MYO10: variants seen among roughly 807,000 people sequenced by gnomAD.
The protein encoded by MYO10 is myosin X, also known as unconventional myosin-X.
In MYO10, 133 loss-of-function variants were observed where a neutral mutation model predicts 257.3. The ratio of observed to expected loss-of-function variants is 0.52; its 90% CI spans 0.45 to 0.60. The LOEUF (loss-of-function observed/expected upper bound fraction) is 0.60, where lower values mean the gene tolerates loss of function less well. Among genes scored for constraint, MYO10 ranks in the 20% least tolerant of loss-of-function variants. The pLI is 0.00. For missense variants in MYO10, 2,399 were observed against 2,635.7 expected (o/e 0.91, Z 1.97); for synonymous variants, 1,104 against 1,028.6 (o/e 1.07, Z -1.40).
intron 3 of MYO10, among the ~76,000 whole-genome samples, chr5:16,802,757 A>G (rs564169640): frequency 5.9e-5 from 9 of 152,114 alleles, no homozygotes; most frequent in Non-Finnish European, 8.8e-5. Flanking sequence ...GTATAAAGAG[A>G]GATTAAAAAC....
intron 2 of MYO10, among the ~76,000 whole-genome samples, chr5:16,848,677 C>T (rs1257246630): frequency 1.3e-5 from 2 of 151,366 alleles, no homozygotes; most frequent in South Asian, 2.1e-4. Flanking sequence ...CTCCCCGCTA[C>T]GGATGGACGG....
At chr5:16,839,912 T>C (rs987698826) in intron 2 of MYO10, among the ~76,000 whole-genome samples, 2 of 152,166 alleles carry the variant, frequency 1.3e-5, no homozygotes, top group Non-Finnish European at 2.9e-5. Flanking sequence ...TTTAGACTTA[T>C]AATGGGTTTG....
At chr5:16,673,549 T>C (rs1579794462) in intron 36 of MYO10, 133 bp downstream of exon 36, 1 of 826,074 alleles carries the variant, frequency 1.2e-6, no homozygotes, top group Admixed American at 2.6e-5. Flanking sequence ...ATGCATTTCC[T>C]TAGTATTGAG....
intron 18 of MYO10, among the ~76,000 whole-genome samples, chr5:16,755,279 C>T (rs2126643702): frequency 6.6e-6 from 1 of 152,338 alleles, no homozygotes; most frequent in East Asian, 1.9e-4. Flanking sequence ...CCTTCTCCTG[C>T]CTCAGCCTCC....
At chr5:16,710,728 A>G (rs542030992) in intron 21 of MYO10, 180 bp downstream of exon 21, 1 of 601,710 alleles carries the variant, frequency 1.7e-6, no homozygotes, top group South Asian at 2.1e-5. Context: ...CAAGGACTTC[A>G]CTTCAAATAA....
At chr5:16,902,455 C>T in intron 1 of MYO10, 1 of 1,329,032 alleles carries the variant, frequency 7.5e-7, no homozygotes, top group South Asian at 1.2e-5. Context: ...TTGGGAAGCA[C>T]ATAGGCATCG....
intron 37 of MYO10, among the ~76,000 whole-genome samples, chr5:16,672,051 T>C (rs1048769838): frequency 2.6e-5 from 4 of 152,172 alleles, no homozygotes; most frequent in African/African-American, 9.7e-5. Flanking sequence ...TCCCAGCACT[T>C]TGGGAGGCCC....
intron 19 of MYO10, among the ~76,000 whole-genome samples, chr5:16,735,700 A>C (rs954790196): frequency 3.3e-5 from 5 of 151,826 alleles, no homozygotes; most frequent in Non-Finnish European, 2.9e-5. Context: ...AAAAAAAAAA[A>C]AAACCCAAAC....
intron 1 of MYO10, among the ~76,000 whole-genome samples, chr5:16,930,852 G>C (rs2126808465): frequency 6.6e-6 from 1 of 152,328 alleles, no homozygotes; most frequent in Middle Eastern, 3.4e-3. Flanking sequence ...GGGGCAGTTA[G>C]GCAAGGGGAA....
intron 19 of MYO10, among the ~76,000 whole-genome samples, chr5:16,722,624 T>C (rs985111164): frequency 6.6e-6 from 1 of 152,242 alleles, no homozygotes; most frequent in African/African-American, 2.4e-5. Context: ...GCTAGAATAA[T>C]TGGACAGCAA....
chr5:16,910,327 T>G (rs988190987), intron 1 of MYO10, among the ~76,000 whole-genome samples: 1 of 152,196 alleles, frequency 6.6e-6, no homozygotes, highest in Non-Finnish European at 1.5e-5. Flanking sequence ...CTTTTTTCCC[T>G]GTTTACATCC....
chr5:16,917,396 T>C (rs1339175254), intron 1 of MYO10, among the ~76,000 whole-genome samples: 2 of 152,176 alleles, frequency 1.3e-5, no homozygotes, highest in Non-Finnish European at 2.9e-5. Flanking sequence ...TTGTGGGGGC[T>C]GCCCTCTGCA....
intron 22 of MYO10, 119 bp downstream of exon 22, chr5:16,704,460 G>T: frequency 1.3e-6 from 1 of 786,206 alleles, no homozygotes; most frequent in Non-Finnish European, 2.0e-6. Flanking sequence ...CTGCTTAGGA[G>T]GCCTGACCTG....
chr5:16,816,140 A>G (rs1742599954), intron 3 of MYO10, among the ~76,000 whole-genome samples: 1 of 151,762 alleles, frequency 6.6e-6, no homozygotes, highest in Non-Finnish European at 1.5e-5. Flanking sequence ...CAGGAGATCG[A>G]GACCATCCTG....
intron 3 of MYO10, among the ~76,000 whole-genome samples, chr5:16,815,976 A>G (rs923145255): frequency 3.3e-5 from 5 of 151,708 alleles, no homozygotes; most frequent in African/African-American, 1.2e-4. Flanking sequence ...TTCTCTGGAC[A>G]GGGCTGTTTG....
chr5:16,898,053 T>C (rs909071834), intron 1 of MYO10, among the ~76,000 whole-genome samples: 1 of 152,026 alleles, frequency 6.6e-6, no homozygotes, highest in African/African-American at 2.4e-5. Context: ...TAAGCACTGC[T>C]GGCAGGTAGG....
intron 19 of MYO10, among the ~76,000 whole-genome samples, chr5:16,747,942 A>G (rs1244187524): frequency 4.1e-5 from 6 of 146,494 alleles, no homozygotes; most frequent in Middle Eastern, 7.1e-3. Flanking sequence ...AAAAAAAAAA[A>G]AAAAGAAAAA....
rs59761183 is a variant in MYO10 at position 16,893,196 on chromosome 5, C to CAAAAA, written c.22-15494_22-15490dup. ...TGGGTGACACAGTGAGACTCTGTCT[C>CAAAAA]AAAAAAAAAAAAAAAAAAAGAACTT... is the stretch of plus-strand genomic sequence containing the variant. On this transcript the variant is annotated intron_variant, in intron 1 of 40. Coordinates refer to ENST00000513610, the MANE Select transcript of MYO10 (RefSeq NM_012334.3). 9.8e-4 allele frequency among the ~76,000 whole-genome samples: 68 copies of CAAAAA among 69,456 alleles called. 2 individuals carry two copies. Among genetic ancestry groups the CAAAAA allele is most frequent in the African/African-American group, 1.4e-3 (27 of 19,386 alleles). 45.6% of individuals were successfully genotyped at this position (69,456 alleles called of 152,430 possible). A position where few individuals can be genotyped will look rare whatever the true frequency, so the allele number is the denominator to read the frequency against.
At chr5:16,688,376 T>C (rs1199700356) in intron 28 of MYO10, among the ~76,000 whole-genome samples, 2 of 152,152 alleles carry the variant, frequency 1.3e-5, no homozygotes, top group Non-Finnish European at 2.9e-5. Context: ...CCTGAGAACA[T>C]ACTAGAAGGT....
Sources: gnomAD v4.1 joint callset for allele counts (sites outside exome capture counted in the v4.1 genomes callset) on GRCh38, gnomAD v4.1.1 for gene constraint, MANE v1.5 for transcripts, NCBI Gene and HGNC (gene_info 2026-07-23, HGNC 2026-07-21) for gene names.